The following EFL1 variants were observed in gnomAD, a reference collection of about 807,000 sequenced individuals.
The protein encoded by EFL1 is elongation factor-like GTPase 1.
Under a neutral mutation model 126.7 loss-of-function variants are expected in EFL1, and 76 were observed. The observed-to-expected ratio is 0.60, with a 90% CI of 0.50 to 0.73. The LOEUF (loss-of-function observed/expected upper bound fraction) is 0.73, where lower values mean the gene tolerates loss of function less well. EFL1 is among the 30% of genes least tolerant of loss of function. The probability of loss-of-function intolerance (pLI) is 0.00; values close to 1 mark genes in which losing one functional copy is unlikely to be tolerated. For synonymous variants in EFL1, 410 were observed against 448.4 expected (o/e 0.91, Z 1.08); for missense variants, 1,128 against 1,343.2 (o/e 0.84, Z 2.50).
intron 18 of EFL1, among the ~76,000 whole-genome samples, chr15:82,140,621 AGGCCTCTCCTT>A (rs1291095253): frequency 6.6e-6 from 1 of 152,230 alleles, no homozygotes; most frequent in African/African-American, 2.4e-5. Context: ...TCTCTAAGCC[AGGCCTCTCCTT>A]GGATCTCCAA....
chr15:82,234,846 G>A (rs2074856667), intron 7 of EFL1, among the ~76,000 whole-genome samples: 1 of 152,094 alleles, frequency 6.6e-6, no homozygotes, highest in Admixed American at 6.6e-5. Context: ...CTACAGTTAT[G>A]GTCCCACTAC....
intron 15 of EFL1, among the ~76,000 whole-genome samples, chr15:82,209,098 G>A (rs1350571715): frequency 3.3e-5 from 5 of 152,062 alleles, no homozygotes; most frequent in African/African-American, 7.2e-5. Flanking sequence ...CATTAAAATA[G>A]ATTATCTTCA....
At chr15:82,223,881 C>A (rs2141307147) in intron 12 of EFL1, among the ~76,000 whole-genome samples, 1 of 152,310 alleles carries the variant, frequency 6.6e-6, no homozygotes, top group South Asian at 2.1e-4. Context: ...TTCACTCATT[C>A]ATTCTTCATT....
chr15:82,152,325 C>CCT lies in EFL1; in HGVS notation c.2127_2128dup (p.Gly710GlufsTer13). ...TATGACTGCAACTTTTTGCTGTTTGCCTATTTCTTCATTGACCATGTCAAC... is the reference window on the plus strand; with the variant it reads ...TATGACTGCAACTTTTTGCTGTTTGCCTCTATTTCTTCATTGACCATGTCAAC... On this transcript the variant is annotated frameshift_variant, in exon 18 of 20. Transcript: ENST00000268206. LOFTEE classifies it high-confidence loss of function. 6.2e-7 allele frequency: 1 copy of CCT among 1,613,940 alleles called. No individual in the cohort carries two copies. The highest frequency in any genetic ancestry group is 8.5e-7 in the Non-Finnish European group (1 of 1,180,014).
At chr15:82,257,881 C>A (rs774586779) in intron 3 of EFL1, among the ~76,000 whole-genome samples, 19 of 152,200 alleles carry the variant, frequency 1.2e-4, no homozygotes, top group Non-Finnish European at 1.9e-4. Flanking sequence ...TTAATTTATG[C>A]TTTACTATTT....
At chr15:82,207,305 T>TAAACAC (rs533413907) in intron 15 of EFL1, among the ~76,000 whole-genome samples, 1 of 122,722 alleles carries the variant, frequency 8.1e-6, no homozygotes, top group Non-Finnish European at 1.8e-5. Flanking sequence ...TATATATATA[T>TAAACAC]ATACACACAC....
Position 82,222,727 on chromosome 15 carries a change from C to T in EFL1, c.1292+2438G>A, listed in dbSNP as rs987831220. On this transcript the variant is annotated intron_variant, in intron 12 of 19. Transcript: ENST00000268206. ...CTGTGTATCCAGCATTTGTTGAGAA[C>T]AAAGAAATTTAATTACAAGAAAATG... Among the ~76,000 whole-genome samples, 7 of 151,996 alleles carry T rather than the reference C, an allele frequency of 4.6e-5. No homozygotes were observed. The East Asian group carries it at 1.2e-3, about 25-fold the overall frequency.
Position 82,215,574 on chromosome 15 carries a change from TA to T in EFL1, c.1612-720del, listed in dbSNP as rs1467741184. 1.3e-5 allele frequency: 2 copies of T among 152,146 alleles called. 1 individual carries two copies. The highest frequency in any genetic ancestry group is 2.9e-5 in the Non-Finnish European group (2 of 68,020). 9.4% of individuals were successfully genotyped at this position (152,146 alleles called of 1,614,324 possible). A position where few individuals can be genotyped will look rare whatever the true frequency, so the allele number is the denominator to read the frequency against. On this transcript the variant is annotated intron_variant, in intron 14 of 19. Transcript: ENST00000268206. ...TTGCATTGTGTGAAGTCTTCAGAAA[TA>T]TACCCACCATATAAATGCAAGTATC...
intron 14 of EFL1, 87 bp from the exon 15 acceptor site, chr15:82,214,942 A>G: frequency 7.2e-7 from 1 of 1,392,280 alleles, no homozygotes; most frequent in Non-Finnish European, 9.7e-7. Context: ...ATTCATCAGT[A>G]AGATATGGTA....
intron 2 of EFL1, among the ~76,000 whole-genome samples, chr15:82,259,362 T>A (rs1012934699): frequency 2.6e-5 from 4 of 152,198 alleles, no homozygotes; most frequent in African/African-American, 7.2e-5. Context: ...AATGCTGTAA[T>A]CTTATCTCCA....
chr15:82,223,812 C>T (rs1261987898), intron 12 of EFL1, among the ~76,000 whole-genome samples: 2 of 152,220 alleles, frequency 1.3e-5, no homozygotes, highest in Admixed American at 6.5e-5. Flanking sequence ...CACTCACTTA[C>T]TTACTCAGTT....
chr15:82,218,659 T>C (rs1161455927), intron 14 of EFL1, among the ~76,000 whole-genome samples: 1 of 152,222 alleles, frequency 6.6e-6, no homozygotes, highest in African/African-American at 2.4e-5. Context: ...TGAGTTTTTA[T>C]ACATATCACT....
At position 82,259,141 on chromosome 15, in the gene EFL1, C is replaced by T; in HGVS notation, c.106G>A (p.Ala36Thr). Residue 36 changes from alanine (A) to threonine (T), a missense_variant, in exon 3 of 20, where the codon GCT (alanine) becomes ACT (threonine). Coordinates refer to ENST00000268206, the MANE Select transcript of EFL1 (RefSeq NM_024580.6). ...CCATTGCTAGATATAAGACAGTCAGCCAGAGTAGTTTTTCCTGTTAAAATA... is the reference window on the plus strand; with the variant it reads ...CCATTGCTAGATATAAGACAGTCAGTCAGAGTAGTTTTTCCTGTTAAAATA... ...AHVDHGKTTLADCLISSNGII... is the reference protein window; with the variant it reads ...AHVDHGKTTLTDCLISSNGII... The T allele has an allele frequency of 6.2e-7, 1 of 1,613,926 alleles. No homozygotes were observed. Among genetic ancestry groups the T allele is most frequent in the South Asian group, 1.1e-5 (1 of 91,054 alleles).
intron 2 of EFL1, 149 bp from the exon 3 acceptor site, chr15:82,259,304 CT>C: frequency 1.5e-6 from 1 of 687,362 alleles, no homozygotes; most frequent in Non-Finnish European, 2.5e-6. Context: ...ATTTATTAGA[CT>C]TTTGAACAGA....
chr15:82,199,856 G>A lies in EFL1; in HGVS notation c.1750+14861C>T, dbSNP rs146918895. On this transcript the variant is annotated intron_variant, in intron 15 of 19. Transcript: ENST00000268206. ...TCTTAACATAGACATTTAATGTATC[G>A]CAGGAGATAAAATCATTTCAAGTTT... is the stretch of plus-strand genomic sequence containing the variant. Among the ~76,000 whole-genome samples, 25 of 152,224 alleles carry A rather than the reference G, an allele frequency of 1.6e-4. No homozygotes were observed. In the East Asian group the frequency reaches 2.9e-3, roughly 18 times the overall value.
chr15:82,133,554 T>C (rs2073683219), intron 19 of EFL1, among the ~76,000 whole-genome samples: 1 of 152,238 alleles, frequency 6.6e-6, no homozygotes, highest in Non-Finnish European at 1.5e-5. Flanking sequence ...AATGTCAATG[T>C]ACTGTAAGAG....
intron 7 of EFL1, among the ~76,000 whole-genome samples, chr15:82,237,606 T>C (rs1317608640): frequency 1.3e-5 from 2 of 152,202 alleles, no homozygotes; most frequent in Non-Finnish European, 2.9e-5. Context: ...TGGTAGTTTC[T>C]TTAAAAACTA....
rs562828258 is a variant in EFL1 at position 82,178,885 on chromosome 15, T to C, written c.1751-14901A>G. Among the ~76,000 whole-genome samples, 52 of 152,194 alleles carry C rather than the reference T, an allele frequency of 3.4e-4. 1 individual carries two copies. The highest frequency in any genetic ancestry group is 3.2e-3 in the Middle Eastern group (1 of 316). ...GGCTTAGCATGGTGGCTCACACCTA[T>C]AATCCCAGAATTTTGGGAGGCTGAG... On this transcript the variant is annotated intron_variant, in intron 15 of 19. Transcript: ENST00000268206.
At chr15:82,176,266 T>C (rs545526862) in intron 15 of EFL1, among the ~76,000 whole-genome samples, 3 of 152,258 alleles carry the variant, frequency 2.0e-5, no homozygotes, top group African/African-American at 7.2e-5. Context: ...AATATCACCA[T>C]GACTTTGGAA....
Sources: allele counts gnomAD v4.1 joint callset (sites outside exome capture counted in the v4.1 genomes callset), GRCh38; gene constraint gnomAD v4.1.1; transcripts MANE v1.5; gene names NCBI Gene and HGNC (gene_info 2026-07-23, HGNC 2026-07-21).